The following CACNA2D3 variants were observed in gnomAD, a reference collection of about 807,000 sequenced individuals.
The protein encoded by CACNA2D3 is voltage-dependent calcium channel subunit alpha-2/delta-3.
In CACNA2D3, 60 loss-of-function variants were observed where a neutral mutation model predicts 160.6. That is an observed-to-expected ratio of 0.37 (90% CI 0.30 to 0.46). CACNA2D3 has a LOEUF of 0.46. Among genes scored for constraint, CACNA2D3 ranks in the 20% least tolerant of loss-of-function variants. The pLI, the probability that CACNA2D3 is intolerant of heterozygous loss-of-function variation, is 1.00. For synonymous variants in CACNA2D3, 558 were observed against 492.9 expected, an observed-to-expected ratio of 1.13 and a Z score of -1.75; for missense variants, 1,205 against 1,365.0, an observed-to-expected ratio of 0.88 and a Z score of 1.85.
chr3:54,301,733 G>T (rs569769008), intron 2 of CACNA2D3, among the ~76,000 whole-genome samples: 1 of 152,126 alleles, frequency 6.6e-6, no homozygotes, highest in African/African-American at 2.4e-5. Context: ...TGCACACATG[G>T]GCGCACACAC....
At position 54,996,026 on chromosome 3, in the gene CACNA2D3, T is replaced by C. The variant is rs183979943; in HGVS notation, c.2690+8273T>C. Among the ~76,000 whole-genome samples, 16 of 152,326 alleles carry C rather than the reference T, an allele frequency of 1.1e-4. No individual in the cohort carries two copies. The East Asian group carries it at 3.1e-3, about 29-fold the overall frequency. ...ACCCCAGACAATGGAAGTAGGAACATTCAATAACACCTGTTGGGTTTTATG... is the reference window on the plus strand; with the variant it reads ...ACCCCAGACAATGGAAGTAGGAACACTCAATAACACCTGTTGGGTTTTATG... On this transcript the variant is annotated intron_variant, in intron 31 of 37. Transcript: ENST00000474759.
chr3:54,801,639 G>A (rs1206689099), intron 13 of CACNA2D3, among the ~76,000 whole-genome samples: 1 of 152,082 alleles, frequency 6.6e-6, no homozygotes, highest in African/African-American at 2.4e-5. Context: ...GCATCATAGG[G>A]AGCTTTAAAT....
chr3:55,043,726 A>G (rs1704012412), intron 35 of CACNA2D3, among the ~76,000 whole-genome samples: 1 of 152,190 alleles, frequency 6.6e-6, no homozygotes, highest in Non-Finnish European at 1.5e-5. Flanking sequence ...CAAGGTCACA[A>G]AAGTTTTTCT....
At chr3:54,658,980 G>C (rs1699922554) in intron 11 of CACNA2D3, among the ~76,000 whole-genome samples, 2 of 151,730 alleles carry the variant, frequency 1.3e-5, no homozygotes, top group Non-Finnish European at 2.9e-5. Flanking sequence ...CCCTCTCTCT[G>C]GGGCACTTTG....
intron 11 of CACNA2D3, among the ~76,000 whole-genome samples, chr3:54,701,651 G>A (rs1399270016): frequency 6.6e-6 from 1 of 152,170 alleles, no homozygotes; most frequent in Non-Finnish European, 1.5e-5. Context: ...AATCAATGTT[G>A]TTAAAATGGC....
intron 35 of CACNA2D3, among the ~76,000 whole-genome samples, chr3:55,056,799 G>A (rs960493251): frequency 2.0e-5 from 3 of 152,186 alleles, no homozygotes; most frequent in Non-Finnish European, 2.9e-5. Context: ...AGAGGCTGAG[G>A]TAGAGGGAGG....
chr3:54,780,721 G>T (rs1426662147), intron 13 of CACNA2D3, among the ~76,000 whole-genome samples: 1 of 152,192 alleles, frequency 6.6e-6, no homozygotes, highest in Non-Finnish European at 1.5e-5. Context: ...CAGAAAGCCT[G>T]ATATCTTGAT....
chr3:54,505,118 C>G (rs1575493102), intron 5 of CACNA2D3, among the ~76,000 whole-genome samples: 1 of 152,086 alleles, frequency 6.6e-6, no homozygotes, highest in Non-Finnish European at 1.5e-5. Context: ...GTCTCTTTTT[C>G]CTGGTTTACC....
intron 13 of CACNA2D3, among the ~76,000 whole-genome samples, chr3:54,809,326 T>TCTTCCCCTCCCTCCC (rs1559590283): frequency 1.7e-5 from 2 of 120,136 alleles, no homozygotes; most frequent in African/African-American, 7.2e-5. Flanking sequence ...TTTTTTTTTT[T>TCTTCCCCTCCCTCCC]TTTGAGACGG....
intron 27 of CACNA2D3, among the ~76,000 whole-genome samples, chr3:54,966,322 T>G (rs1702149248): frequency 6.6e-6 from 1 of 152,228 alleles, no homozygotes; most frequent in African/African-American, 2.4e-5. Context: ...AAGATGAGAT[T>G]TATTTGAAAT....
chr3:54,708,068 A>G (rs1050404139), intron 11 of CACNA2D3, among the ~76,000 whole-genome samples: 4 of 152,192 alleles, frequency 2.6e-5, no homozygotes, highest in African/African-American at 9.6e-5. Flanking sequence ...CTGGCAAGGT[A>G]ATTGTTTATT....
intron 4 of CACNA2D3, among the ~76,000 whole-genome samples, chr3:54,425,670 CCTCT>C (rs982301139): frequency 1.2e-4 from 19 of 152,162 alleles, no homozygotes; most frequent in Non-Finnish European, 2.5e-4. Context: ...AGTGAACTCA[CCTCT>C]CTCTCATGAT....
intron 2 of CACNA2D3, among the ~76,000 whole-genome samples, chr3:54,205,093 G>A (rs1468127820): frequency 6.6e-6 from 1 of 152,160 alleles, no homozygotes; most frequent in Non-Finnish European, 1.5e-5. Flanking sequence ...AAGATGAATA[G>A]GAAGCCAGGA....
intron 3 of CACNA2D3, among the ~76,000 whole-genome samples, chr3:54,337,393 A>G (rs746570549): frequency 2.6e-5 from 4 of 152,236 alleles, no homozygotes; most frequent in South Asian, 2.1e-4. Flanking sequence ...ATGCAGGTCC[A>G]GTATGTCCAA....
chr3:54,247,737 A>G (rs1403380627), intron 2 of CACNA2D3, among the ~76,000 whole-genome samples: 4 of 152,192 alleles, frequency 2.6e-5, no homozygotes, highest in South Asian at 2.1e-4. Flanking sequence ...TACTTGATCT[A>G]TAGTTCAAGA....
At chr3:54,681,569 AAAAG>A (rs1426844392) in intron 11 of CACNA2D3, among the ~76,000 whole-genome samples, 1 of 151,770 alleles carries the variant, frequency 6.6e-6, no homozygotes, top group African/African-American at 2.4e-5. Context: ...AAAAAAAAAA[AAAAG>A]AATAGTGAAA....
At position 54,466,709 on chromosome 3, in the gene CACNA2D3, C is replaced by G. The variant is rs557665664; in HGVS notation, c.382-36783C>G. ...ATATAAAATAGTTGTAAAAAGTGAC[C>G]AATCTCATTATAATGTTGTGATTTC... is the stretch of plus-strand genomic sequence containing the variant. On this transcript the variant is annotated intron_variant, in intron 4 of 37. Transcript: ENST00000474759. Among the ~76,000 whole-genome samples the G allele has an allele frequency of 2.0e-4, 30 of 152,190 alleles. No homozygotes were observed. In the South Asian group the frequency reaches 5.6e-3, roughly 28 times the overall value.
At chr3:54,730,084 T>C (rs1701358554) in intron 11 of CACNA2D3, among the ~76,000 whole-genome samples, 1 of 152,088 alleles carries the variant, frequency 6.6e-6, no homozygotes, top group Non-Finnish European at 1.5e-5. Flanking sequence ...CAAATATGTA[T>C]TGGAAGTTTA....
At chr3:54,794,129 A>G (rs1183062816) in intron 13 of CACNA2D3, among the ~76,000 whole-genome samples, 1 of 152,106 alleles carries the variant, frequency 6.6e-6, no homozygotes, top group Admixed American at 6.5e-5. Flanking sequence ...ATATACATGC[A>G]TGTATCTATA....
Sources: allele counts gnomAD v4.1 joint callset (sites outside exome capture counted in the v4.1 genomes callset), GRCh38; gene constraint gnomAD v4.1.1; transcripts MANE v1.5; gene names NCBI Gene and HGNC (gene_info 2026-07-23, HGNC 2026-07-21).